GCSAML: variants seen among roughly 807,000 people sequenced by gnomAD.
The protein encoded by GCSAML is germinal center associated signaling and motility like, also known as germinal center-associated signaling and motility-like protein.
A neutral mutation model predicts 13.0 loss-of-function variants in GCSAML; 9 were observed. The observed-to-expected ratio is 0.69, with a 90% CI of 0.42 to 1.21. The LOEUF is 1.21. GCSAML is among the 50% of genes most tolerant of loss of function. The pLI is 0.00. For missense variants in GCSAML, 143 were observed against 153.4 expected, an observed-to-expected ratio of 0.93 and a Z score of 0.36; for synonymous variants, 37 against 52.9, an observed-to-expected ratio of 0.70 and a Z score of 1.31.
At chr1:247,565,770 A>G in intron 3 of GCSAML, 161 bp from the exon 4 acceptor site, 1 of 600,328 alleles carries the variant, frequency 1.7e-6, no homozygotes. Context: ...AACTTCAGTT[A>G]TAAGATGGGG....
At chr1:247,534,173 C>T (rs1449214827) in intron 2 of GCSAML, among the ~76,000 whole-genome samples, 1 of 152,162 alleles carries the variant, frequency 6.6e-6, no homozygotes, top group Non-Finnish European at 1.5e-5. Context: ...AACAAATAAA[C>T]TACTCTTATT....
intron 1 of GCSAML, among the ~76,000 whole-genome samples, chr1:247,550,542 C>G (rs1449412870): frequency 2.6e-5 from 4 of 152,200 alleles, no homozygotes; most frequent in African/African-American, 9.6e-5. Flanking sequence ...CAGGCTGGGG[C>G]AGGAGAATGG....
At chr1:247,545,733 G>A (rs79679907), upstream of GCSAML, among the ~76,000 whole-genome samples, 7,561 of 152,094 alleles carry the variant, frequency 0.05, 576 homozygotes, top group African/African-American at 0.16. Context: ...GGTTATGTTT[G>A]TTTATTTAGT....
intron 2 of GCSAML, among the ~76,000 whole-genome samples, chr1:247,562,913 C>T (rs12074628): frequency 0.047 from 7,142 of 151,892 alleles, 191 homozygotes; most frequent in African/African-American, 0.069. Flanking sequence ...GATCTCTGCT[C>T]GCTGCAACCT....
In GCSAML at chr1:247,516,730, C is replaced by T. The variant is rs543919646; in HGVS notation, c.-263+9497C>T. 1.4e-4 allele frequency among the ~76,000 whole-genome samples: 21 copies of T among 152,222 alleles called. No individual in the cohort carries two copies. In the South Asian group the frequency reaches 4.4e-3, roughly 32 times the overall value. On this transcript the variant is annotated intron_variant, in intron 1 of 5. Coordinates refer to the GCSAML transcript ENST00000366489. ...GAAAACAAGAGGGATGCATTTGTAA[C>T]CCTCTGTTTACACTACAACCTAACT... is the stretch of plus-strand genomic sequence containing the variant.
chr1:247,547,859 A>G (rs529651463), upstream of GCSAML, among the ~76,000 whole-genome samples: 2 of 152,308 alleles, frequency 1.3e-5, no homozygotes, highest in East Asian at 3.9e-4. Flanking sequence ...TTACATGAGA[A>G]AGTTTGGGAA....
rs1345918232 is a variant in GCSAML at position 247,576,230 on chromosome 1, T to C, written c.*1848T>C. The C allele has an allele frequency of 6.6e-6, 1 of 152,206 alleles. No individual in the cohort carries two copies. Among genetic ancestry groups the C allele is most frequent in the East Asian group, 1.9e-4 (1 of 5,200 alleles). 9.4% of individuals were successfully genotyped at this position (152,206 alleles called of 1,614,324 possible). On this transcript the variant is annotated 3_prime_UTR_variant, in exon 5 of 5. Transcript: ENST00000366488. ...CCATCAGAAAGCAGAAGTGTCACTA[T>C]TTCAAGTCAGTGCTCAAAAAGTTTC...
At chr1:247,555,398 C>T (rs777976637) in intron 1 of GCSAML, among the ~76,000 whole-genome samples, 4 of 152,204 alleles carry the variant, frequency 2.6e-5, no homozygotes, top group East Asian at 3.8e-4. Context: ...TGACTGTGAT[C>T]GTGACTATTA....
chr1:247,540,136 A>G lies in GCSAML; in HGVS notation c.-147-8909A>G, dbSNP rs544103680. 7.9e-3 allele frequency among the ~76,000 whole-genome samples: 1,208 copies of G among 152,266 alleles called. 8 individuals carry two copies. Among genetic ancestry groups the G allele is most frequent in the Non-Finnish European group, 0.012 (848 of 68,020 alleles). On this transcript the variant is annotated intron_variant, in intron 2 of 5. Transcript: ENST00000366489. ...GCCTGGGCTGAAGTGCAGTGGCCCA[A>G]TCTCAGCTTACTGCAACCTCTGCCT... is the stretch of plus-strand genomic sequence containing the variant.
intron 4 of GCSAML, among the ~76,000 whole-genome samples, chr1:247,571,726 C>G (rs1668621712): frequency 6.6e-6 from 1 of 152,170 alleles, no homozygotes; most frequent in South Asian, 2.1e-4. Flanking sequence ...TCTGTACTTT[C>G]TGAATTACAA....
intron 2 of GCSAML, among the ~76,000 whole-genome samples, chr1:247,559,097 C>T (rs997187768): frequency 1.1e-4 from 16 of 152,264 alleles, no homozygotes; most frequent in Admixed American, 9.2e-4. Flanking sequence ...TTCATCAGCA[C>T]GATGGCTGTC....
chr1:247,520,800 T>TA (rs1002879177), intron 1 of GCSAML, among the ~76,000 whole-genome samples: 3 of 152,186 alleles, frequency 2.0e-5, no homozygotes, highest in African/African-American at 7.2e-5. Flanking sequence ...TATTAGAGGT[T>TA]AAAAAAATTA....
intron 1 of GCSAML, among the ~76,000 whole-genome samples, chr1:247,512,329 A>G (rs1463896362): frequency 2.0e-5 from 3 of 151,742 alleles, no homozygotes; most frequent in Admixed American, 6.6e-5. Flanking sequence ...TGCTTCAAGA[A>G]GTTCTCGTGA....
chr1:247,518,446 C>CTCAG (rs1442828093), intron 1 of GCSAML: 1 of 152,398 alleles, frequency 6.6e-6, no homozygotes, highest in Non-Finnish European at 1.5e-5. Context: ...CGCGCGGCTG[C>CTCAG]CGCCCTTTCC....
intron 1 of GCSAML, among the ~76,000 whole-genome samples, chr1:247,521,346 G>A (rs1666412757): frequency 7.8e-6 from 1 of 128,758 alleles, no homozygotes; most frequent in African/African-American, 3.0e-5. Flanking sequence ...CCTCTCCACG[G>A]TCTCCCTCTC....
At chr1:247,565,835 A>G (rs1668329030) in intron 3 of GCSAML, 96 bp from the exon 4 acceptor site, 2 of 956,718 alleles carry the variant, frequency 2.1e-6, no homozygotes, top group Non-Finnish European at 3.1e-6. Context: ...TGACTTCTAC[A>G]TTCTGTTTTT....
At chr1:247,563,855 G>C (rs1328167094) in intron 3 of GCSAML, among the ~76,000 whole-genome samples, 1 of 152,040 alleles carries the variant, frequency 6.6e-6, no homozygotes, top group Middle Eastern at 3.2e-3. Flanking sequence ...GTGGAAAGAA[G>C]TTAACCAAAA....
intron 2 of GCSAML, chr1:247,532,435 G>A: frequency 1.2e-6 from 2 of 1,614,096 alleles, no homozygotes; most frequent in African/African-American, 1.3e-5. Flanking sequence ...GAAGAGGACA[G>A]TTTCTAGTGA....
intron 2 of GCSAML, among the ~76,000 whole-genome samples, chr1:247,533,326 C>G (rs898528614): frequency 3.9e-5 from 6 of 152,222 alleles, no homozygotes; most frequent in Admixed American, 3.9e-4. Context: ...CCTTCTTGTC[C>G]GTGGCCCCTC....
Sources: allele counts gnomAD v4.1 joint callset (sites outside exome capture counted in the v4.1 genomes callset), GRCh38; gene constraint gnomAD v4.1.1; transcripts MANE v1.5; gene names NCBI Gene and HGNC (gene_info 2026-07-23, HGNC 2026-07-21).